GABRA6: variants seen among roughly 807,000 people sequenced by gnomAD.
The protein encoded by GABRA6 is gamma-aminobutyric acid type A receptor subunit alpha6.
In GABRA6, 45 loss-of-function variants were observed where a neutral mutation model predicts 47.3. The observed-to-expected ratio is 0.95, with a 90% CI of 0.75 to 1.22. GABRA6 has a LOEUF of 1.22. Ranked by LOEUF, GABRA6 falls within the 50% of genes most tolerant of loss-of-function variation. GABRA6 has a pLI of 0.00. For synonymous variants in GABRA6, 219 were observed against 194.7 expected (o/e 1.12, Z -1.04); for missense variants, 583 against 549.3 (o/e 1.06, Z -0.61).
chr5:161,698,024 A>G (rs958388639), intron 8 of GABRA6, among the ~76,000 whole-genome samples: 1 of 152,238 alleles, frequency 6.6e-6, no homozygotes, highest in Non-Finnish European at 1.5e-5. Context: ...GCATTAAAAT[A>G]CAATGTAACA....
At chr5:161,699,198 G>T (rs982314783) in intron 8 of GABRA6, among the ~76,000 whole-genome samples, 4 of 152,134 alleles carry the variant, frequency 2.6e-5, no homozygotes, top group African/African-American at 4.8e-5. Flanking sequence ...GACAGATAAT[G>T]CATGCTGTTA....
chr5:161,687,059 C>T (rs1435728363), intron 3 of GABRA6, 56 bp downstream of exon 3: 1 of 1,403,686 alleles, frequency 7.1e-7, no homozygotes, highest in African/African-American at 1.4e-5. Flanking sequence ...GAGTGGAGTC[C>T]CAAAACTAAT....
chr5:161,686,911 T>C (rs1392947661), intron 2 of GABRA6, 25 bp from the exon 3 acceptor site: 3 of 1,607,958 alleles, frequency 1.9e-6, no homozygotes, highest in Non-Finnish European at 2.6e-6. Flanking sequence ...GTGATAATTG[T>C]TTCATCCCTC....
In GABRA6 at chr5:161,689,177, T is replaced by C; in HGVS notation, c.446+8T>C. The C allele has an allele frequency of 6.2e-7, 1 of 1,612,972 alleles. No homozygotes were observed. The highest frequency in any genetic ancestry group is 1.1e-5 in the South Asian group (1 of 91,062). On this transcript the variant is annotated splice_region_variant and intron_variant, in intron 4 of 8. Coordinates refer to ENST00000274545, the MANE Select transcript of GABRA6 (RefSeq NM_000811.3). Reference sequence around the variant, plus strand: ...CATTTTATACACCATGAGGTGAGGTTTCTCCAATTCTATTTCCCCTGCCTA... The same window carrying C: ...CATTTTATACACCATGAGGTGAGGTCTCTCCAATTCTATTTCCCCTGCCTA...
rs970369037 is a variant in GABRA6 at position 161,685,774 on chromosome 5, T to G, written c.-216T>G. 1 of 613,028 alleles carries G rather than the reference T, an allele frequency of 1.6e-6. No individual in the cohort carries two copies. Among genetic ancestry groups the G allele is most frequent in the Non-Finnish European group, 2.9e-6 (1 of 343,782 alleles). The allele number at this position is 613,028 out of a possible 1,614,324, so 38.0% of individuals were successfully genotyped here. On this transcript the variant is annotated 5_prime_UTR_variant, in exon 1 of 9. Coordinates refer to ENST00000274545, the MANE Select transcript of GABRA6 (RefSeq NM_000811.3). The stretch of plus-strand genomic sequence containing the variant: ...CATAATCTAAGACCACAAACCACCT[T>G]GTTCCACGTGAGAAGGAAACAAGAA...
At position 161,701,959 on chromosome 5, in the gene GABRA6, G is replaced by A; in HGVS notation, c.*186G>A. ...ATAATCCTACTCCTCAAAATAGAAA[G>A]TTGAAGATTGCTGAAAAATATGACT... On this transcript the variant is annotated 3_prime_UTR_variant, in exon 9 of 9. Transcript: ENST00000274545. 1 of 621,882 alleles carries A rather than the reference G, an allele frequency of 1.6e-6. No individual in the cohort carries two copies. Among genetic ancestry groups the A allele is most frequent in the Non-Finnish European group, 2.8e-6 (1 of 360,544 alleles). The allele number at this position is 621,882 out of a possible 1,614,324, so 38.5% of individuals were successfully genotyped here. A position where few individuals can be genotyped will look rare whatever the true frequency, so the allele number is the denominator to read the frequency against.
At chr5:161,700,954 TA>T (rs1206769766) in intron 8 of GABRA6, among the ~76,000 whole-genome samples, 1 of 152,238 alleles carries the variant, frequency 6.6e-6, no homozygotes, top group Non-Finnish European at 1.5e-5. Flanking sequence ...TAATTTTATT[TA>T]TTTTTTAAAT....
intron 8 of GABRA6, among the ~76,000 whole-genome samples, chr5:161,698,054 C>T (rs1274106233): frequency 6.6e-6 from 1 of 152,156 alleles, no homozygotes; most frequent in African/African-American, 2.4e-5. Context: ...AACTTTTCAT[C>T]CCCCTCTTTG....
rs779092295 is a variant in GABRA6, at chr5:161,691,990, C to T, written c.876C>T (p.His292=). The part of the protein sequence containing the change: ...TMTTLSISAR[H]SLPKVSYATA... ...CCACTTTGAGCATCAGTGCCCGGCA[C>T]TCTTTGCCAAAAGTGTCATATGCCA... The change falls in exon 8 of 9, where the codon CAC becomes CAT. Residue 292 remains histidine, a synonymous_variant. Transcript: ENST00000274545. The T allele has an allele frequency of 6.2e-7, 1 of 1,614,040 alleles. No individual in the cohort carries two copies. The highest frequency in any genetic ancestry group is 1.1e-5 in the South Asian group (1 of 91,078).
rs1323189305 is a variant in GABRA6, at chr5:161,687,020, T to A, written c.225+17T>A. ...GTGGAGATGGTGAGTAAGTTCTAAG[T>A]GAGTTGGGTGTTTTCATTTCGGGGA... On this transcript the variant is annotated intron_variant, in intron 3 of 8. Transcript: ENST00000274545. 4 of 1,609,934 alleles carry A rather than the reference T, an allele frequency of 2.5e-6. No homozygotes were observed.
At chr5:161,696,774 C>G (rs1217075694) in intron 8 of GABRA6, among the ~76,000 whole-genome samples, 1 of 152,150 alleles carries the variant, frequency 6.6e-6, no homozygotes, top group Admixed American at 6.5e-5. Context: ...GAAAACCCAA[C>G]AGAGTTCTAA....
In GABRA6 at chr5:161,702,030, A is replaced by T. The variant is rs1754991909; in HGVS notation, c.*257A>T. The T allele has an allele frequency of 2.1e-5, 10 of 479,232 alleles. 1 individual carries two copies. The South Asian group carries it at 2.7e-4, about 13-fold the overall frequency. The allele number at this position is 479,232 out of a possible 1,614,324, so 29.7% of individuals were successfully genotyped here. A position where few individuals can be genotyped will look rare whatever the true frequency, so the allele number is the denominator to read the frequency against. On this transcript the variant is annotated 3_prime_UTR_variant, in exon 9 of 9. Coordinates refer to ENST00000274545, the MANE Select transcript of GABRA6 (RefSeq NM_000811.3). ...ACTTTATGAGGATGAAATGGGTTCA[A>T]GATGAATTTGTCAACTTTTGTCTTC...
chr5:161,686,861 T>G lies in GABRA6; in HGVS notation c.158-75T>G. On this transcript the variant is annotated intron_variant, in intron 2 of 8. Coordinates refer to ENST00000274545, the MANE Select transcript of GABRA6 (RefSeq NM_000811.3). ...TACTGGCTATGATAAGTAAGGGGTT[T>G]GGTGGTAGAGGGCTGAGATCAATCC... 4 of 1,243,300 alleles carry G rather than the reference T, an allele frequency of 3.2e-6. No individual in the cohort carries two copies. The Admixed American group carries it at 6.8e-5, about 21-fold the overall frequency. The allele number at this position is 1,243,300 out of a possible 1,614,324, so 77.0% of individuals were successfully genotyped here. A position where few individuals can be genotyped will look rare whatever the true frequency, so the allele number is the denominator to read the frequency against.
chr5:161,693,410 C>T (rs1389049143), intron 8 of GABRA6, among the ~76,000 whole-genome samples: 2 of 151,840 alleles, frequency 1.3e-5, no homozygotes, highest in East Asian at 3.9e-4. Flanking sequence ...GAAAAAAATG[C>T]CATTCAGTGA....
chr5:161,693,111 C>T (rs901394144), intron 8 of GABRA6, among the ~76,000 whole-genome samples: 1 of 152,090 alleles, frequency 6.6e-6, no homozygotes, highest in Non-Finnish European at 1.5e-5. Context: ...ACAACTGATC[C>T]ATTCTAGTAA....
Position 161,686,987 on chromosome 5 carries a change from T to A in GABRA6, c.209T>A (p.Val70Glu). ...TDIYVTSFGP[V>E]SDVEMEYTMD... ...ATTTATGTGACCAGTTTTGGGCCCG[T>A]GTCAGATGTGGAGATGGTGAGTAAG... is the stretch of plus-strand genomic sequence containing the variant. Residue 70 changes from valine to glutamate, a missense_variant, in exon 3 of 9, where the codon GTG becomes GAG. Transcript: ENST00000274545. 3 of 1,613,928 alleles carry A rather than the reference T, an allele frequency of 1.9e-6. No individual in the cohort carries two copies. The highest frequency in any genetic ancestry group is 2.5e-6 in the Non-Finnish European group (3 of 1,179,862).
chr5:161,697,754 G>A (rs745433556), intron 8 of GABRA6, among the ~76,000 whole-genome samples: 15 of 152,138 alleles, frequency 9.9e-5, no homozygotes, highest in Non-Finnish European at 1.6e-4. Context: ...TGCCCAAAAC[G>A]CTAAAGCTGA....
At position 161,702,181 on chromosome 5, in the gene GABRA6, C is replaced by A. The variant is rs1053705726; in HGVS notation, c.*408C>A. ...TATTTTGGCTTAGTTCCCGAGAGGG[C>A]AAAATATAAATACAGTCTAAATATT... On this transcript the variant is annotated 3_prime_UTR_variant, in exon 9 of 9. Transcript: ENST00000274545. The A allele has an allele frequency of 9.0e-6, 2 of 222,892 alleles. No individual in the cohort carries two copies. The highest frequency in any genetic ancestry group is 2.3e-5 in the African/African-American group (1 of 43,364). The allele number at this position is 222,892 out of a possible 1,614,324, so 13.8% of individuals were successfully genotyped here.
chr5:161,701,679 T>G lies in GABRA6; in HGVS notation c.1268T>G (p.Ile423Ser). 1 of 1,614,170 alleles carries G rather than the reference T, an allele frequency of 6.2e-7. No individual in the cohort carries two copies. Among genetic ancestry groups the G allele is most frequent in the Non-Finnish European group, 8.5e-7 (1 of 1,180,022 alleles). ...GTSKIDQYSR[I>S]LFPVAFAGFN... is the part of the protein sequence containing the mutation. The stretch of plus-strand genomic sequence containing the variant: ...AGTAAAATAGACCAGTATTCTCGAA[T>G]TCTCTTCCCAGTTGCATTTGCAGGA... Residue 423 changes from isoleucine to serine, a missense_variant, in exon 9 of 9, where the codon ATT (isoleucine) becomes AGT (serine). Coordinates refer to ENST00000274545, the MANE Select transcript of GABRA6 (RefSeq NM_000811.3).
Sources: gnomAD v4.1 joint callset for allele counts (sites outside exome capture counted in the v4.1 genomes callset) on GRCh38, gnomAD v4.1.1 for gene constraint, MANE v1.5 for transcripts, NCBI Gene and HGNC (gene_info 2026-07-23, HGNC 2026-07-21) for gene names.